Variants in LARS2 observed in about 807,000 individuals in gnomAD.
The protein encoded by LARS2 is leucine--tRNA ligase, mitochondrial.
In LARS2, 81 loss-of-function variants were observed where a neutral mutation model predicts 116.6. That is an observed-to-expected ratio of 0.69 (90% CI 0.58 to 0.84). The LOEUF is 0.84. Ranked by LOEUF, LARS2 falls within the 40% of genes least tolerant of loss-of-function variation. The probability of loss-of-function intolerance (pLI) is 0.00; values close to 1 mark genes in which losing one functional copy is unlikely to be tolerated. For synonymous variants in LARS2, 396 were observed against 407.2 expected, an observed-to-expected ratio of 0.97 and a Z score of 0.33; for missense variants, 968 against 1,114.5, an observed-to-expected ratio of 0.87 and a Z score of 1.87.
At chr3:45,488,412 A>G (rs899308509) in intron 11 of LARS2, among the ~76,000 whole-genome samples, 2 of 152,174 alleles carry the variant, frequency 1.3e-5, no homozygotes, top group African/African-American at 4.8e-5. Context: ...TAACCTGGGC[A>G]ACAGAGCAAG....
intron 6 of LARS2, among the ~76,000 whole-genome samples, chr3:45,438,650 T>C (rs1228030130): frequency 3.1e-5 from 4 of 127,082 alleles, no homozygotes; most frequent in African/African-American, 1.1e-4. Context: ...AAACCCCATC[T>C]CTACTAAAAA....
intron 10 of LARS2, among the ~76,000 whole-genome samples, 154 bp from the exon 11 acceptor site, chr3:45,485,538 A>T (rs1388970930): frequency 6.6e-6 from 1 of 152,212 alleles, no homozygotes; most frequent in Non-Finnish European, 1.5e-5. Flanking sequence ...GGTGTGAATT[A>T]TCTATTAATA....
chr3:45,529,890 A>AG (rs965539253), intron 20 of LARS2, among the ~76,000 whole-genome samples: 1 of 152,176 alleles, frequency 6.6e-6, no homozygotes, highest in Non-Finnish European at 1.5e-5. Context: ...GATGGGTAAC[A>AG]GGGGCCCATA....
chr3:45,424,433 C>T (rs573704595), intron 6 of LARS2, among the ~76,000 whole-genome samples: 3 of 152,288 alleles, frequency 2.0e-5, no homozygotes, highest in African/African-American at 7.2e-5. Context: ...ATGTGTATCA[C>T]TTCCACACTA....
rs1553634444 is a variant in LARS2 at position 45,484,630 on chromosome 3, A to AATATATATATATATATATATATATAT, written c.1019-1044_1019-1043insATATATATATATATATATATATATAT. Among the ~76,000 whole-genome samples, 78 of 9,684 alleles carry AATATATATATATATATATATATATAT rather than the reference A, an allele frequency of 8.1e-3. 4 individuals are homozygous for AATATATATATATATATATATATATAT. Among genetic ancestry groups the AATATATATATATATATATATATATAT allele is most frequent in the Non-Finnish European group, 0.018 (58 of 3,140 alleles). The allele number at this position is 9,684 out of a possible 152,430, so 6.4% of individuals were successfully genotyped here. Reference sequence around the variant, plus strand: ...AAAAAAAAAAAAAAAAAAAAAAAAAAATATATATATATATATATTTAAAAT... The same window carrying AATATATATATATATATATATATATAT: ...AAAAAAAAAAAAAAAAAAAAAAAAAAATATATATATATATATATATATATATATATATATATATATATATTTAAAAT... On this transcript the variant is annotated intron_variant, in intron 10 of 21. Coordinates refer to ENST00000645846, the MANE Select transcript of LARS2 (RefSeq NM_015340.4).
At chr3:45,540,609 T>A (rs1700776940) in intron 20 of LARS2, among the ~76,000 whole-genome samples, 1 of 152,168 alleles carries the variant, frequency 6.6e-6, no homozygotes. Context: ...AGGGCACTGC[T>A]CCAGAATGGG....
In LARS2 at chr3:45,450,427, C is replaced by G. The variant is rs1358645574; in HGVS notation, c.606+3447C>G. On this transcript the variant is annotated intron_variant, in intron 7 of 21. Transcript: ENST00000645846. ...TTCCTTTCCCAGCCCCAGCAGCCACCATTCTACACTCTACATCCATGAGAT... is the reference window on the plus strand; with the variant it reads ...TTCCTTTCCCAGCCCCAGCAGCCACGATTCTACACTCTACATCCATGAGAT... Among the ~76,000 whole-genome samples, 6 of 152,122 alleles carry G rather than the reference C, an allele frequency of 3.9e-5. No individual in the cohort carries two copies. In the South Asian group the frequency reaches 1.0e-3, roughly 26 times the overall value.
At chr3:45,532,105 T>C (rs550527491) in intron 20 of LARS2, among the ~76,000 whole-genome samples, 1 of 152,338 alleles carries the variant, frequency 6.6e-6, no homozygotes, top group East Asian at 1.9e-4. Flanking sequence ...TTATTTTCTT[T>C]ATTATACTTT....
chr3:45,396,470 C>T (rs1202132408), intron 3 of LARS2, among the ~76,000 whole-genome samples: 1 of 152,196 alleles, frequency 6.6e-6, no homozygotes, highest in East Asian at 1.9e-4. Flanking sequence ...AAAAGATACA[C>T]AAAGATCAGA....
At chr3:45,533,660 C>T (rs141801516) in intron 20 of LARS2, among the ~76,000 whole-genome samples, 2 of 152,284 alleles carry the variant, frequency 1.3e-5, no homozygotes, top group East Asian at 3.9e-4. Flanking sequence ...CAGAAACTCC[C>T]TCCAGCATGC....
intron 6 of LARS2, among the ~76,000 whole-genome samples, chr3:45,430,679 A>G (rs1208551143): frequency 8.0e-6 from 1 of 124,776 alleles, no homozygotes; most frequent in Non-Finnish European, 1.6e-5. Flanking sequence ...TCGCCTCCCG[A>G]GTTCACGTCA....
intron 3 of LARS2, among the ~76,000 whole-genome samples, chr3:45,398,930 C>T (rs1698096496): frequency 6.6e-6 from 1 of 152,156 alleles, no homozygotes; most frequent in South Asian, 2.1e-4. Flanking sequence ...TTGCCTTATC[C>T]ATTCATGTGC....
intron 20 of LARS2, among the ~76,000 whole-genome samples, chr3:45,537,121 G>A (rs534421799): frequency 6.6e-6 from 1 of 152,120 alleles, no homozygotes; most frequent in Admixed American, 6.6e-5. Context: ...AAATAAGTAA[G>A]ATCTCCTTAA....
intron 20 of LARS2, among the ~76,000 whole-genome samples, chr3:45,538,814 G>T (rs1700749201): frequency 6.6e-6 from 1 of 152,230 alleles, no homozygotes; most frequent in Admixed American, 6.5e-5. Flanking sequence ...GTGCAAGTCA[G>T]AGCGGTCGGT....
At position 45,500,546 on chromosome 3, in the gene LARS2, A is replaced by G; in HGVS notation, c.1727A>G (p.His576Arg). ...MHLFYARFFSHFCHDQKMVKH... is the reference protein window; with the variant it reads ...MHLFYARFFSRFCHDQKMVKH... ...TTGTTCTATGCAAGATTCTTTAGTC[A>G]TTTTTGCCATGATCAAAAAATGGTT... Residue 576 changes from histidine to arginine, a missense_variant, in exon 15 of 22, where the codon CAT becomes CGT. His to Arg is a conservative substitution (Grantham distance 29, BLOSUM62 0). Coordinates refer to ENST00000645846, the MANE Select transcript of LARS2 (RefSeq NM_015340.4). 6.4e-7 allele frequency: 1 copy of G among 1,565,442 alleles called. No homozygotes were observed. Among genetic ancestry groups the G allele is most frequent in the Non-Finnish European group, 8.6e-7 (1 of 1,162,848 alleles).
chr3:45,437,730 A>G (rs1698830403), intron 6 of LARS2, among the ~76,000 whole-genome samples: 1 of 152,192 alleles, frequency 6.6e-6, no homozygotes, highest in African/African-American at 2.4e-5. Flanking sequence ...ACCTTAAACA[A>G]GTTACTTTGC....
At chr3:45,529,289 G>A (rs376420601) in intron 20 of LARS2, among the ~76,000 whole-genome samples, 5 of 152,038 alleles carry the variant, frequency 3.3e-5, no homozygotes, top group East Asian at 3.9e-4. Flanking sequence ...AGTAGCCGCC[G>A]GGCACGGTAG....
intron 8 of LARS2, among the ~76,000 whole-genome samples, chr3:45,467,301 A>C (rs988674138): frequency 6.6e-6 from 1 of 152,146 alleles, no homozygotes; most frequent in African/African-American, 2.4e-5. Flanking sequence ...TGTTTTTCAA[A>C]ATAACCATTC....
intron 6 of LARS2, among the ~76,000 whole-genome samples, chr3:45,420,963 G>C (rs1698503665): frequency 6.6e-6 from 1 of 151,926 alleles, no homozygotes. Context: ...CTTTTATTTT[G>C]GAATTATAAA....
Sources: allele counts gnomAD v4.1 joint callset (sites outside exome capture counted in the v4.1 genomes callset), GRCh38; gene constraint gnomAD v4.1.1; transcripts MANE v1.5; gene names NCBI Gene and HGNC (gene_info 2026-07-23, HGNC 2026-07-21).